The following CACNA1C variants were observed in gnomAD, a reference collection of about 807,000 sequenced individuals.
CACNA1C encodes voltage-dependent L-type calcium channel subunit alpha-1C.
A neutral mutation model predicts 229.0 loss-of-function variants in CACNA1C; 30 were observed. That is an observed-to-expected ratio of 0.13 (90% confidence interval 0.10 to 0.18). CACNA1C has a LOEUF of 0.18. Among genes scored for constraint, CACNA1C ranks in the 10% least tolerant of loss-of-function variants. The pLI is 1.00. For missense variants in CACNA1C, 1,658 were observed against 2,845.0 expected, an observed-to-expected ratio of 0.58 and a Z score of 9.49; for synonymous variants, 1,114 against 1,132.5, an observed-to-expected ratio of 0.98 and a Z score of 0.33.
chr12:2,428,203 G>T (rs546281943), intron 3 of CACNA1C, among the ~76,000 whole-genome samples: 143 of 152,176 alleles, frequency 9.4e-4, no homozygotes, highest in Non-Finnish European at 1.7e-3. Flanking sequence ...TTCCCTGAAG[G>T]GACCCCCAGC....
chr12:2,326,225 G>A (rs971823993), intron 3 of CACNA1C, among the ~76,000 whole-genome samples: 1 of 152,160 alleles, frequency 6.6e-6, no homozygotes, highest in African/African-American at 2.4e-5. Context: ...ATAGTTAGGA[G>A]GATAAAGGTG....
chr12:2,032,101 C>A (rs1422216459), intron 1 of CACNA1C, among the ~76,000 whole-genome samples: 1 of 151,910 alleles, frequency 6.6e-6, no homozygotes, highest in African/African-American at 2.4e-5. Context: ...AGGGGTGGCT[C>A]ACACGTGAGT....
intron 43 of CACNA1C, among the ~76,000 whole-genome samples, chr12:2,684,848 C>T (rs2153830587): frequency 6.6e-6 from 1 of 152,296 alleles, no homozygotes; most frequent in South Asian, 2.1e-4. Context: ...TACCAGCCTT[C>T]CTGCACATCT....
rs189085146 is a variant in CACNA1C, at chr12:1,998,420, C to T, written c.139+27219C>T. 2.4e-3 allele frequency among the ~76,000 whole-genome samples: 367 copies of T among 152,202 alleles called. 3 individuals carry two copies. Among genetic ancestry groups the T allele is most frequent in the African/African-American group, 7.8e-3 (322 of 41,522 alleles). ...TGGGTTCATTTTCTCCTGCCATATC[C>T]AGTGACTTAGGAGAGCAGATGATCT... On this transcript the variant is annotated intron_variant, in intron 1 of 46. Coordinates refer to the CACNA1C transcript ENST00000682462.
intron 1 of CACNA1C, among the ~76,000 whole-genome samples, chr12:2,000,098 A>C (rs1437700093): frequency 6.6e-6 from 1 of 152,258 alleles, no homozygotes; most frequent in Non-Finnish European, 1.5e-5. Flanking sequence ...ACAGTACAGT[A>C]AATGCTACCT....
At chr12:2,392,472 A>G (rs1481174305) in intron 3 of CACNA1C, among the ~76,000 whole-genome samples, 1 of 152,208 alleles carries the variant, frequency 6.6e-6, no homozygotes, top group Non-Finnish European at 1.5e-5. Context: ...TGCTGGGAAG[A>G]AAAAGCATCT....
At chr12:2,320,099 G>A (rs1037901793) in intron 3 of CACNA1C, among the ~76,000 whole-genome samples, 19 of 152,156 alleles carry the variant, frequency 1.2e-4, no homozygotes, top group African/African-American at 4.1e-4. Context: ...AGGCCATTGG[G>A]TGTGTCCCCT....
Position 2,053,614 on chromosome 12 carries a change from A to G in CACNA1C, c.49+3A>G. 6.3e-7 allele frequency: 1 copy of G among 1,591,382 alleles called. No homozygotes were observed. The highest frequency in any genetic ancestry group is 1.1e-5 in the South Asian group (1 of 87,354). Reference sequence around the variant, plus strand: ...CATTCCAGAGGAAAACCACCAAGGTAAGGCTGGACCCCGCCGCCTCGCCGG... The same window carrying G: ...CATTCCAGAGGAAAACCACCAAGGTGAGGCTGGACCCCGCCGCCTCGCCGG... On this transcript the variant is annotated splice_donor_region_variant and intron_variant, in intron 1 of 46. Coordinates refer to ENST00000399655, the MANE Select transcript of CACNA1C (RefSeq NM_000719.7). The surrounding 1 kb of genome is among the most constrained non-coding windows in gnomAD (Gnocchi z 5.8).
At position 2,255,561 on chromosome 12, in the gene CACNA1C, G is replaced by C. The variant is rs1336747444; in HGVS notation, c.477+135131G>C. On this transcript the variant is annotated intron_variant, in intron 3 of 46. Coordinates refer to ENST00000399655, the MANE Select transcript of CACNA1C (RefSeq NM_000719.7). ...TCTTCAATTAGAACTCTGAGCAGAT[G>C]GGGCTGAGGCAGCCAGAAGGGGCAC... Among the ~76,000 whole-genome samples, 3 of 152,320 alleles carry C rather than the reference G, an allele frequency of 2.0e-5. No individual in the cohort carries two copies. In the East Asian group the frequency reaches 5.8e-4, roughly 29 times the overall value.
chr12:2,143,002 GTC>G (rs1565953558), intron 3 of CACNA1C, among the ~76,000 whole-genome samples: 2 of 150,466 alleles, frequency 1.3e-5, no homozygotes, highest in South Asian at 4.2e-4. Flanking sequence ...TTGAGACGGA[GTC>G]TCTCTCTGTT....
chr12:2,596,783 A>C (rs2068448770), intron 20 of CACNA1C, among the ~76,000 whole-genome samples: 1 of 152,218 alleles, frequency 6.6e-6, no homozygotes, highest in South Asian at 2.1e-4. Context: ...CCACCATCAC[A>C]GGAAGCTGGC....
chr12:2,137,955 C>G (rs1437305771), intron 3 of CACNA1C, among the ~76,000 whole-genome samples: 1 of 151,418 alleles, frequency 6.6e-6, no homozygotes, highest in Non-Finnish European at 1.5e-5. Flanking sequence ...GCGCCCCTGC[C>G]GGGAGCTCAT....
chr12:1,974,563 T>C (rs2033691686), intron 1 of CACNA1C, among the ~76,000 whole-genome samples: 1 of 152,190 alleles, frequency 6.6e-6, no homozygotes, highest in South Asian at 2.1e-4. Flanking sequence ...AACTAAGAGC[T>C]CAAAGGATGC....
intron 1 of CACNA1C, chr12:1,993,242 C>T: frequency 6.2e-7 from 1 of 1,614,016 alleles, no homozygotes; most frequent in African/African-American, 1.3e-5. Flanking sequence ...TAAAACAACC[C>T]ACTGTAGTAA....
At chr12:1,990,171 T>G (rs1001634321) in intron 1 of CACNA1C, among the ~76,000 whole-genome samples, 11 of 152,228 alleles carry the variant, frequency 7.2e-5, no homozygotes, top group African/African-American at 2.4e-4. Context: ...AACCTTAGTA[T>G]TCTCATTTAT....
chr12:2,023,643 C>G (rs1009700396), intron 1 of CACNA1C, among the ~76,000 whole-genome samples: 6 of 152,178 alleles, frequency 3.9e-5, no homozygotes, highest in African/African-American at 1.4e-4. Context: ...AGTAACTGTT[C>G]CAGGACAAGT....
chr12:2,692,169 A>G lies in CACNA1C; in HGVS notation c.*970A>G, dbSNP rs2097796077. On this transcript the variant is annotated 3_prime_UTR_variant, in exon 47 of 47. Transcript: ENST00000399655. ...AGGAGAGTTTTACCAACCATTGTGT[A>G]TGCCCAATAATTTGTTATCATTTCC... The G allele has an allele frequency of 6.6e-6, 1 of 152,308 alleles. No homozygotes were observed. Among genetic ancestry groups the G allele is most frequent in the South Asian group, 2.1e-4 (1 of 4,824 alleles). 9.4% of individuals were successfully genotyped at this position (152,308 alleles called of 1,614,324 possible). A position where few individuals can be genotyped will look rare whatever the true frequency, so the allele number is the denominator to read the frequency against.
intron 1 of CACNA1C, among the ~76,000 whole-genome samples, chr12:2,106,128 C>T (rs2078394339): frequency 1.9e-5 from 1 of 53,760 alleles, no homozygotes; most frequent in East Asian, 5.9e-4. Context: ...AGAGGGTTTC[C>T]ACCTGAGCTG....
chr12:2,622,736 A>G (rs1329595061), intron 29 of CACNA1C, among the ~76,000 whole-genome samples: 1 of 152,134 alleles, frequency 6.6e-6, no homozygotes, highest in East Asian at 1.9e-4. Flanking sequence ...GCGTTCTCAT[A>G]CAGCTCTCTT....
Sources: gnomAD v4.1 joint callset for allele counts (sites outside exome capture counted in the v4.1 genomes callset) on GRCh38, gnomAD v4.1.1 for gene constraint, Gnocchi (gnomAD v3.1) non-coding constraint, MANE v1.5 for transcripts, NCBI Gene and HGNC (gene_info 2026-07-23, HGNC 2026-07-21) for gene names.